KATNAL1: variants seen among roughly 807,000 people sequenced by gnomAD.
KATNAL1 encodes katanin p60 ATPase-containing subunit A-like 1.
Under a neutral mutation model 55.2 loss-of-function variants are expected in KATNAL1, and 32 were observed. That is an observed-to-expected ratio of 0.58 (90% CI 0.44 to 0.78). The LOEUF (loss-of-function observed/expected upper bound fraction) is 0.78, where lower values mean the gene tolerates loss of function less well. Ranked by LOEUF, KATNAL1 falls within the 30% of genes least tolerant of loss-of-function variation. The probability of loss-of-function intolerance (pLI) is 0.00; values close to 1 mark genes in which losing one functional copy is unlikely to be tolerated. For synonymous variants in KATNAL1, 193 were observed against 193.6 expected (o/e 1.00, Z 0.02); for missense variants, 466 against 600.9 (o/e 0.78, Z 2.35).
At chr13:30,209,804 CAG>C (rs1298356499) in intron 10 of KATNAL1, among the ~76,000 whole-genome samples, 1 of 151,888 alleles carries the variant, frequency 6.6e-6, no homozygotes, top group Non-Finnish European at 1.5e-5. Context: ...TTTTTTGAGA[CAG>C]AGTCTCGCTC....
chr13:30,260,414 A>G (rs991348825), intron 3 of KATNAL1, among the ~76,000 whole-genome samples: 5 of 152,238 alleles, frequency 3.3e-5, no homozygotes, highest in Non-Finnish European at 4.4e-5. Flanking sequence ...AGACGATCAA[A>G]TTACTCTGAG....
chr13:30,271,205 G>A (rs933936714), intron 3 of KATNAL1, among the ~76,000 whole-genome samples: 43 of 152,194 alleles, frequency 2.8e-4, no homozygotes, highest in African/African-American at 1.0e-3. Flanking sequence ...ACCCTACGAA[G>A]TAATTTTCAT....
Position 30,256,696 on chromosome 13 carries a change from A to G in KATNAL1, c.324-1081T>C, listed in dbSNP as rs1261118343. Reference sequence around the variant, plus strand: ...AAACTAAGGGCCAAAACAGTAAGAAAAAGAAAAAAAAAGAAAAAAAAATGT... The same window carrying G: ...AAACTAAGGGCCAAAACAGTAAGAAGAAGAAAAAAAAAGAAAAAAAAATGT... On this transcript the variant is annotated intron_variant, in intron 3 of 10. Transcript: ENST00000380615. Among the ~76,000 whole-genome samples, 4 of 152,176 alleles carry G rather than the reference A, an allele frequency of 2.6e-5. No homozygotes were observed. The East Asian group carries it at 7.7e-4, about 29-fold the overall frequency.
chr13:30,260,510 C>T (rs1879187419), intron 3 of KATNAL1, among the ~76,000 whole-genome samples: 2 of 152,042 alleles, frequency 1.3e-5, no homozygotes, highest in South Asian at 4.2e-4. Context: ...ATAACCAACA[C>T]AGAGAAGTGC....
chr13:30,283,615 C>A lies in KATNAL1; in HGVS notation c.162+1G>T. The A allele has an allele frequency of 6.2e-7, 1 of 1,613,580 alleles. No individual in the cohort carries two copies. The highest frequency in any genetic ancestry group is 8.5e-7 in the Non-Finnish European group (1 of 1,179,738). On this transcript the variant is annotated splice_donor_variant, in intron 2 of 10. Transcript: ENST00000380615. LOFTEE classifies it high-confidence loss of function. ...CATCTAATACTTTAATACCATCTTA[C>A]CTGTTGCCATTTGCCTTTGATAGCT... is the stretch of plus-strand genomic sequence containing the variant.
intron 1 of KATNAL1, among the ~76,000 whole-genome samples, chr13:30,305,237 C>T (rs1374753396): frequency 6.6e-6 from 1 of 152,192 alleles, no homozygotes; most frequent in East Asian, 1.9e-4. Context: ...AAGATCTGGC[C>T]TCACCCACTA....
At chr13:30,233,825 A>T (rs1876365027) in intron 6 of KATNAL1, among the ~76,000 whole-genome samples, 1 of 152,208 alleles carries the variant, frequency 6.6e-6, no homozygotes, top group African/African-American at 2.4e-5. Context: ...CGTTATGTCA[A>T]ATGAAATACA....
chr13:30,290,006 C>A (rs1882031721), intron 1 of KATNAL1, among the ~76,000 whole-genome samples: 2 of 152,204 alleles, frequency 1.3e-5, no homozygotes, highest in African/African-American at 4.8e-5. Flanking sequence ...TAGTATTCTT[C>A]TTTTGATTTT....
At chr13:30,271,579 G>A (rs2137507565) in intron 3 of KATNAL1, among the ~76,000 whole-genome samples, 1 of 152,202 alleles carries the variant, frequency 6.6e-6, no homozygotes, top group African/African-American at 2.4e-5. Context: ...CCTATCATGA[G>A]AACAGCACCA....
chr13:30,257,048 A>C (rs1261450662), intron 3 of KATNAL1, among the ~76,000 whole-genome samples: 3 of 152,240 alleles, frequency 2.0e-5, no homozygotes, highest in Non-Finnish European at 4.4e-5. Context: ...TATCATCTTT[A>C]GGACATTAGT....
chr13:30,218,183 G>C (rs375885831), intron 9 of KATNAL1, among the ~76,000 whole-genome samples: 2 of 140,028 alleles, frequency 1.4e-5, no homozygotes, highest in African/African-American at 5.4e-5. Flanking sequence ...GGATACATAA[G>C]ATGTGAACTT....
Position 30,248,274 on chromosome 13 carries a change from G to A in KATNAL1, c.492+7173C>T, listed in dbSNP as rs987833171. On this transcript the variant is annotated intron_variant, in intron 4 of 10. Transcript: ENST00000380615. The stretch of plus-strand genomic sequence containing the variant: ...TTTGCACAGGAAAAAAACAACGGTG[G>A]GTGAGTAAAAAACCAGAATAGCACA... Among the ~76,000 whole-genome samples, 10 of 152,120 alleles carry A rather than the reference G, an allele frequency of 6.6e-5. 1 individual carries two copies. In the South Asian group the frequency reaches 1.5e-3, roughly 22 times the overall value.
intron 3 of KATNAL1, among the ~76,000 whole-genome samples, chr13:30,259,802 G>A (rs979399019): frequency 5.3e-5 from 8 of 152,014 alleles, no homozygotes; most frequent in African/African-American, 1.4e-4. Flanking sequence ...GGGGAGGGGC[G>A]CCCACCATTG....
In KATNAL1 at chr13:30,208,584, A is replaced by C; in HGVS notation, c.1429T>G (p.Leu477Val). 6 of 1,610,502 alleles carry C rather than the reference A, an allele frequency of 3.7e-6. No homozygotes were observed. Among genetic ancestry groups the C allele is most frequent in the Non-Finnish European group, 5.1e-6 (6 of 1,178,314 alleles). The stretch of plus-strand genomic sequence containing the variant: ...ACCATCCATTTTTCATACTTCTCCA[A>C]GTCTGCAGCAGAGACAGACTTAGCA... ...KIAKSVSAAD[L>V]EKYEKWMVEF... is the part of the protein sequence containing the mutation. The change falls in exon 11 of 11, where the codon TTG becomes GTG. Residue 477 changes from leucine to valine, a missense_variant. By Grantham distance (32) the Leu-to-Val change is conservative. Transcript: ENST00000380615.
At chr13:30,270,345 G>A (rs1339036419) in intron 3 of KATNAL1, among the ~76,000 whole-genome samples, 5 of 151,682 alleles carry the variant, frequency 3.3e-5, no homozygotes, top group African/African-American at 9.7e-5. Context: ...CGGGAGGTGA[G>A]GGGCGCCTCT....
chr13:30,227,476 C>T lies in KATNAL1; in HGVS notation c.1083G>A (p.Pro361=), dbSNP rs138534047. The change falls in exon 9 of 11, where the codon CCG becomes CCA. Residue 361 remains proline (P), a synonymous_variant. Coordinates refer to ENST00000380615, the MANE Select transcript of KATNAL1 (RefSeq NM_032116.5). Reference sequence around the variant, plus strand: ...TTCGCAAAGCTTCATCAATGTCCCACGGGAAATTAGTAGCAGCCAATACCA... The same window carrying T: ...TTCGCAAAGCTTCATCAATGTCCCATGGGAAATTAGTAGCAGCCAATACCA... ...MVMVLAATNF[P]WDIDEALRRR... is the part of the protein sequence containing the mutation. 18 of 1,613,404 alleles carry T rather than the reference C, an allele frequency of 1.1e-5. No individual in the cohort carries two copies. The highest frequency in any genetic ancestry group is 4.2e-6 in the Non-Finnish European group (5 of 1,179,512).
At chr13:30,214,238 A>G (rs1359481172) in intron 9 of KATNAL1, among the ~76,000 whole-genome samples, 10 of 151,484 alleles carry the variant, frequency 6.6e-5, no homozygotes, top group East Asian at 3.9e-4. Flanking sequence ...CCTCTTCAAG[A>G]AGAACTACAA....
At chr13:30,263,264 T>C (rs1321684776) in intron 3 of KATNAL1, among the ~76,000 whole-genome samples, 2 of 152,168 alleles carry the variant, frequency 1.3e-5, no homozygotes, top group Admixed American at 6.5e-5. Context: ...GCCAATATCA[T>C]ACTGAATGGG....
chr13:30,251,092 C>T (rs1434118571), intron 4 of KATNAL1, among the ~76,000 whole-genome samples: 2 of 146,574 alleles, frequency 1.4e-5, no homozygotes, highest in African/African-American at 2.5e-5. Flanking sequence ...GAGCCGAGAT[C>T]GCGCCACTGC....
Sources: gnomAD v4.1 joint callset for allele counts (sites outside exome capture counted in the v4.1 genomes callset) on GRCh38, gnomAD v4.1.1 for gene constraint, MANE v1.5 for transcripts, NCBI Gene and HGNC (gene_info 2026-07-23, HGNC 2026-07-21) for gene names.